The following PDS5A variants were observed in gnomAD, a reference collection of about 807,000 sequenced individuals.
PDS5A encodes sister chromatid cohesion protein PDS5 homolog A.
A neutral mutation model predicts 167.1 loss-of-function variants in PDS5A; 42 were observed. The observed-to-expected ratio is 0.25, with a 90% CI of 0.20 to 0.33. The LOEUF (loss-of-function observed/expected upper bound fraction) is 0.33. PDS5A is among the 10% of genes least tolerant of loss of function. The probability of loss-of-function intolerance (pLI) is 1.00; values close to 1 mark genes in which losing one functional copy is unlikely to be tolerated. For missense variants in PDS5A, 1,033 were observed against 1,605.9 expected, an observed-to-expected ratio of 0.64 and a Z score of 6.10; for synonymous variants, 553 against 554.6, an observed-to-expected ratio of 1.00 and a Z score of 0.04.
In PDS5A at chr4:39,966,672, C is replaced by A. The variant is rs1451809646; in HGVS notation, c.138+9768G>T. Among the ~76,000 whole-genome samples, 5 of 152,132 alleles carry A rather than the reference C, an allele frequency of 3.3e-5. No individual in the cohort carries two copies. The East Asian group carries it at 9.6e-4, about 29-fold the overall frequency. ...GTATTAATGTCTGGAGCACTGCTCT[C>A]TGAGATCAGATAGTTAAGAGAGGAA... On this transcript the variant is annotated intron_variant, in intron 2 of 32. Transcript: ENST00000303538.
chr4:39,842,021 C>T lies in PDS5A; in HGVS notation c.3584G>A (p.Ser1195Asn). 6.2e-7 allele frequency: 1 copy of T among 1,609,534 alleles called. No homozygotes were observed. The highest frequency in any genetic ancestry group is 8.5e-7 in the Non-Finnish European group (1 of 1,175,874). Residue 1195 changes from serine (S) to asparagine (N), a missense_variant, in exon 31 of 33, where the codon AGT becomes AAT. Around this residue, in one of 4 missense-constraint regions of PDS5A, gnomAD observed 233 missense variants for 264.0 expected, o/e 0.88. Coordinates refer to ENST00000303538, the MANE Select transcript of PDS5A (RefSeq NM_001100399.2). Reference protein sequence around the residue: ...QSSEAAETGVSENEENPVRII... With the variant: ...QSSEAAETGVNENEENPVRII... ...CCTCACAGGGTTCTCTTCATTTTCACTAACTCCAGTTTCTGCTGCCTCTGA... is the reference window on the plus strand; with the variant it reads ...CCTCACAGGGTTCTCTTCATTTTCATTAACTCCAGTTTCTGCTGCCTCTGA...
intron 17 of PDS5A, among the ~76,000 whole-genome samples, chr4:39,889,206 T>C (rs2109617129): frequency 6.6e-6 from 1 of 152,304 alleles, no homozygotes; most frequent in East Asian, 1.9e-4. Context: ...ACATGCTGCG[T>C]GCACAGAGAA....
At chr4:39,959,141 C>T (rs189239557) in intron 2 of PDS5A, among the ~76,000 whole-genome samples, 6 of 152,268 alleles carry the variant, frequency 3.9e-5, no homozygotes, top group African/African-American at 1.4e-4. Context: ...AAATTACAAT[C>T]ATCTCAAAAT....
Position 39,898,817 on chromosome 4 carries a change from A to C in PDS5A, c.1590T>G (p.Ala530=). 1.3e-6 allele frequency: 2 copies of C among 1,589,152 alleles called. No homozygotes were observed. The highest frequency in any genetic ancestry group is 1.7e-6 in the Non-Finnish European group (2 of 1,164,694). ...GTTTTCCAAACATGGCAGAACAGTT[A>C]GCCTCTGACTGAAATTTAAAACAGA... The part of the protein sequence containing the change: ...LDLHKQPTSE[A]NCSAMFGKLM... The change falls in exon 15 of 33, where the codon GCT becomes GCG. Residue 530 remains alanine (A), a synonymous_variant. Transcript: ENST00000303538.
intron 32 of PDS5A, among the ~76,000 whole-genome samples, chr4:39,828,372 G>A (rs1715504552): frequency 6.6e-6 from 1 of 152,164 alleles, no homozygotes; most frequent in African/African-American, 2.4e-5. Context: ...GTGGAATAAA[G>A]TATCCTTGAA....
At chr4:39,962,963 A>T (rs1462158005) in intron 2 of PDS5A, among the ~76,000 whole-genome samples, 1 of 150,212 alleles carries the variant, frequency 6.7e-6, no homozygotes, top group Non-Finnish European at 1.5e-5. Context: ...CTCCACCTCA[A>T]AAAAACAAAA....
At chr4:39,917,257 AAC>A (rs1222298491) in intron 7 of PDS5A, 69 bp from the exon 8 acceptor site, 1 of 1,020,006 alleles carries the variant, frequency 9.8e-7, no homozygotes, top group Non-Finnish European at 1.4e-6. Flanking sequence ...ATTTTTAATA[AAC>A]ATTTTTTATA....
chr4:39,852,122 G>A (rs749017319), intron 26 of PDS5A, among the ~76,000 whole-genome samples: 10 of 152,142 alleles, frequency 6.6e-5, no homozygotes, highest in Non-Finnish European at 1.5e-4. Flanking sequence ...TTAATTTTAT[G>A]CAGATATGCT....
At chr4:39,885,448 T>TA (rs920207515) in intron 17 of PDS5A, among the ~76,000 whole-genome samples, 6 of 148,650 alleles carry the variant, frequency 4.0e-5, no homozygotes, top group African/African-American at 7.5e-5. Flanking sequence ...AAAGAACTTT[T>TA]AAAAAAATTA....
chr4:39,915,040 GA>G (rs961262392), intron 8 of PDS5A, among the ~76,000 whole-genome samples: 4 of 128,036 alleles, frequency 3.1e-5, no homozygotes, highest in Non-Finnish European at 7.1e-5. Flanking sequence ...TGACAAAAAT[GA>G]TTTTTTTTTT....
chr4:39,863,286 G>A lies in PDS5A; in HGVS notation c.2766+50C>T, dbSNP rs779405688. ...GGATTTGTATCCATAGAAAAGTAAT[G>A]TATTCAACTTTGAAGATAAGTAATT... On this transcript the variant is annotated intron_variant, in intron 24 of 32. Transcript: ENST00000303538. The A allele has an allele frequency of 5.8e-6, 8 of 1,368,618 alleles. No homozygotes were observed. The Middle Eastern group carries it at 5.5e-4, about 94-fold the overall frequency. 84.8% of individuals were successfully genotyped at this position (1,368,618 alleles called of 1,614,324 possible). A position where few individuals can be genotyped will look rare whatever the true frequency, so the allele number is the denominator to read the frequency against.
At position 39,829,950 on chromosome 4, in the gene PDS5A, C is replaced by CAAAAAAAAAAAA. The variant is rs1158287221; in HGVS notation, c.4011-4474_4011-4463dup. On this transcript the variant is annotated intron_variant, in intron 32 of 32. Transcript: ENST00000303538. ...TGGGCGACAGACTGAGACTCCAACT[C>CAAAAAAAAAAAA]AAAAAAAAAAAAAAAAAAAAAAAAA... Among the ~76,000 whole-genome samples, 20 of 67,304 alleles carry CAAAAAAAAAAAA rather than the reference C, an allele frequency of 3.0e-4. 2 individuals are homozygous for CAAAAAAAAAAAA. Among genetic ancestry groups the CAAAAAAAAAAAA allele is most frequent in the African/African-American group, 1.0e-3 (12 of 11,920 alleles). The allele number at this position is 67,304 out of a possible 152,430, so 44.2% of individuals were successfully genotyped here.
intron 2 of PDS5A, among the ~76,000 whole-genome samples, chr4:39,945,963 A>G (rs1321584793): frequency 2.0e-5 from 3 of 151,878 alleles, no homozygotes; most frequent in Admixed American, 2.0e-4. Flanking sequence ...GCACTTTGGG[A>G]GGCCGTGGAG....
At chr4:39,948,851 T>C (rs1728050084) in intron 2 of PDS5A, among the ~76,000 whole-genome samples, 1 of 152,070 alleles carries the variant, frequency 6.6e-6, no homozygotes, top group Admixed American at 6.6e-5. Flanking sequence ...TCTTGAATTC[T>C]TGACCTCAGA....
chr4:39,873,478 C>T (rs567102218), intron 20 of PDS5A, among the ~76,000 whole-genome samples: 2 of 151,984 alleles, frequency 1.3e-5, no homozygotes, highest in Non-Finnish European at 1.5e-5. Flanking sequence ...GTTTTCTTAC[C>T]CTGTGGAAGC....
chr4:39,926,951 A>G, intron 3 of PDS5A, 90 bp from the exon 4 acceptor site: 1 of 1,078,516 alleles, frequency 9.3e-7, no homozygotes, highest in South Asian at 3.2e-5. Flanking sequence ...TTGTGTACAA[A>G]CTACAATAAA....
chr4:39,876,849 G>A (rs994927591), intron 19 of PDS5A, 144 bp downstream of exon 19: 1 of 539,770 alleles, frequency 1.9e-6, no homozygotes, highest in Non-Finnish European at 3.2e-6. Flanking sequence ...GAAAGACAAA[G>A]CAGAGGAGGA....
chr4:39,846,015 T>C (rs1292801552), intron 28 of PDS5A, 135 bp from the exon 29 acceptor site: 2 of 737,416 alleles, frequency 2.7e-6, no homozygotes, highest in East Asian at 7.5e-5. Context: ...CATATACCAA[T>C]TTATCAAACA....
chr4:39,949,206 G>C (rs1282125877), intron 2 of PDS5A, among the ~76,000 whole-genome samples: 1 of 151,062 alleles, frequency 6.6e-6, no homozygotes, highest in African/African-American at 2.4e-5. Flanking sequence ...GGAAGCTGAG[G>C]CAGGAGGATT....
Sources: gnomAD v4.1 joint callset for allele counts (sites outside exome capture counted in the v4.1 genomes callset) on GRCh38, gnomAD v4.1.1 for gene constraint, gnomAD v4.1.1 regional missense constraint, MANE v1.5 for transcripts, NCBI Gene and HGNC (gene_info 2026-07-23, HGNC 2026-07-21) for gene names.